Variants in BCAR3 observed in about 807,000 individuals in gnomAD.
BCAR3 encodes the protein BCAR3 adaptor protein, NSP family member.
Under a neutral mutation model 80.1 loss-of-function variants are expected in BCAR3, and 37 were observed. That is an observed-to-expected ratio of 0.46 (90% confidence interval 0.36 to 0.61). The LOEUF is 0.61. Ranked by LOEUF, BCAR3 falls within the 20% of genes least tolerant of loss-of-function variation. The pLI, the probability that BCAR3 is intolerant of heterozygous loss-of-function variation, is 0.00. For missense variants in BCAR3, 978 were observed against 1,068.2 expected (o/e 0.92, Z 1.18); for synonymous variants, 389 against 418.9 (o/e 0.93, Z 0.87).
chr1:93,812,096 GGATT>G (rs896775711), intron 2 of BCAR3, among the ~76,000 whole-genome samples: 1 of 152,090 alleles, frequency 6.6e-6, no homozygotes, highest in Non-Finnish European at 1.5e-5. Context: ...TACATTTAAT[GGATT>G]GATTTTTTTA....
chr1:93,808,487 T>A (rs1237737902), intron 2 of BCAR3, among the ~76,000 whole-genome samples: 1 of 152,188 alleles, frequency 6.6e-6, no homozygotes, highest in Non-Finnish European at 1.5e-5. Flanking sequence ...GAAAGTTACC[T>A]GAGAATACAC....
At chr1:93,659,533 G>A (rs1647552804) in intron 2 of BCAR3, among the ~76,000 whole-genome samples, 1 of 151,594 alleles carries the variant, frequency 6.6e-6, no homozygotes, top group Non-Finnish European at 1.5e-5. Context: ...GCATCTACTG[G>A]ACAATATTCC....
At chr1:93,749,779 A>T (rs562807838) in intron 2 of BCAR3, among the ~76,000 whole-genome samples, 1 of 152,026 alleles carries the variant, frequency 6.6e-6, no homozygotes, top group Admixed American at 6.6e-5. Context: ...GAACACAAGT[A>T]TTACGTAAAG....
At chr1:93,801,006 A>G (rs1209725850) in intron 2 of BCAR3, among the ~76,000 whole-genome samples, 1 of 152,246 alleles carries the variant, frequency 6.6e-6, no homozygotes, top group Non-Finnish European at 1.5e-5. Flanking sequence ...GCTTTCGTTT[A>G]TTCTCTATTT....
intron 2 of BCAR3, among the ~76,000 whole-genome samples, chr1:93,736,836 C>T (rs957373841): frequency 2.6e-5 from 4 of 152,302 alleles, no homozygotes; most frequent in South Asian, 2.1e-4. Flanking sequence ...GGTTAACTTT[C>T]GTTGAGTGCT....
At chr1:93,685,163 T>C (rs1648927516), upstream of BCAR3, among the ~76,000 whole-genome samples, 1 of 152,226 alleles carries the variant, frequency 6.6e-6, no homozygotes, top group African/African-American at 2.4e-5. Flanking sequence ...AATTTAAATA[T>C]AATTTTTTGA....
upstream of BCAR3, among the ~76,000 whole-genome samples, chr1:93,683,492 A>G (rs1571042592): frequency 6.6e-6 from 1 of 152,212 alleles, no homozygotes; most frequent in Non-Finnish European, 1.5e-5. Context: ...TCACCAAAAG[A>G]TGTTGAAAAA....
intron 2 of BCAR3, among the ~76,000 whole-genome samples, chr1:93,714,049 C>T (rs1207552872): frequency 6.6e-6 from 1 of 152,164 alleles, no homozygotes. Flanking sequence ...GTGGTGCGAT[C>T]TCAGCTCACT....
chr1:93,673,897 G>A (rs976675259), intron 2 of BCAR3, among the ~76,000 whole-genome samples: 3 of 152,200 alleles, frequency 2.0e-5, no homozygotes, highest in Admixed American at 6.5e-5. Context: ...AGAATCTGAT[G>A]CTATGATAAA....
At chr1:93,804,396 A>T (rs1265947043) in intron 2 of BCAR3, among the ~76,000 whole-genome samples, 1 of 152,228 alleles carries the variant, frequency 6.6e-6, no homozygotes, top group Non-Finnish European at 1.5e-5. Context: ...AATAACTAAC[A>T]GTAAAATAGA....
intron 3 of BCAR3, among the ~76,000 whole-genome samples, chr1:93,626,635 G>A (rs1008284999): frequency 6.6e-6 from 1 of 152,208 alleles, no homozygotes; most frequent in Non-Finnish European, 1.5e-5. Flanking sequence ...AACTCTACCA[G>A]GGGCCATTGC....
chr1:93,567,335 C>A lies in BCAR3; in HGVS notation c.2243G>T (p.Arg748Leu). 6.2e-7 allele frequency: 1 copy of A among 1,614,158 alleles called. No individual in the cohort carries two copies. Among genetic ancestry groups the A allele is most frequent in the Admixed American group, 1.7e-5 (1 of 60,022 alleles). ...GCTGTCTGCAGCCTCGGCCATGAATCGCGCTGTTGCCAAATGGTTCAGCAT... is the reference window on the plus strand; with the variant it reads ...GCTGTCTGCAGCCTCGGCCATGAATAGCGCTGTTGCCAAATGGTTCAGCAT... ...EIMLNHLATA[R>L]FMAEAADSYR... is the part of the protein sequence containing the mutation. Residue 748 changes from arginine to leucine, a missense_variant, in exon 11 of 12, where the codon CGA (arginine) becomes CTA (leucine). Physicochemically the swap from Arg to Leu is moderately radical, Grantham distance 102 (BLOSUM62 -2). Coordinates refer to ENST00000260502, the MANE Select transcript of BCAR3 (RefSeq NM_003567.4).
chr1:93,730,851 GTA>G (rs1408507779), intron 2 of BCAR3, among the ~76,000 whole-genome samples: 1 of 152,216 alleles, frequency 6.6e-6, no homozygotes, highest in Non-Finnish European at 1.5e-5. Context: ...GCTTCAGAGA[GTA>G]CAGAATGGAA....
intron 3 of BCAR3, among the ~76,000 whole-genome samples, chr1:93,607,864 G>GT (rs1674822155): frequency 6.6e-6 from 1 of 152,152 alleles, no homozygotes. Flanking sequence ...AAAGCACAGC[G>GT]TAAGCTGCTT....
chr1:93,810,022 T>G (rs527332707), intron 2 of BCAR3, among the ~76,000 whole-genome samples: 5 of 150,514 alleles, frequency 3.3e-5, no homozygotes, highest in Admixed American at 6.6e-5. Context: ...CCAAGATAGC[T>G]CTACTAAAAA....
intron 2 of BCAR3, among the ~76,000 whole-genome samples, chr1:93,762,441 T>C (rs896743860): frequency 1.3e-5 from 2 of 152,152 alleles, no homozygotes; most frequent in Non-Finnish European, 1.5e-5. Context: ...ACCATTCTGC[T>C]GAGAGCTCGT....
intron 2 of BCAR3, among the ~76,000 whole-genome samples, chr1:93,810,910 G>A (rs1341077062): frequency 6.6e-6 from 1 of 152,184 alleles, no homozygotes; most frequent in Non-Finnish European, 1.5e-5. Context: ...ACCCAGAGAG[G>A]TGAAGTCATT....
At position 93,676,322 on chromosome 1, in the gene BCAR3, G is replaced by A. The variant is rs557112774; in HGVS notation, c.-11-1381C>T. ...TGACATTAGAGTGTGTAAAGAAAACGCATGTGTTTGTATGTGTGTGTACAA... is the reference window on the plus strand; with the variant it reads ...TGACATTAGAGTGTGTAAAGAAAACACATGTGTTTGTATGTGTGTGTACAA... On this transcript the variant is annotated intron_variant, in intron 1 of 11. Coordinates refer to ENST00000260502, the MANE Select transcript of BCAR3 (RefSeq NM_003567.4). 3.3e-5 allele frequency among the ~76,000 whole-genome samples: 5 copies of A among 152,246 alleles called. No individual in the cohort carries two copies. The East Asian group carries it at 9.6e-4, about 29-fold the overall frequency.
chr1:93,809,637 G>A (rs1653761078), intron 2 of BCAR3, among the ~76,000 whole-genome samples: 1 of 151,812 alleles, frequency 6.6e-6, no homozygotes, highest in Non-Finnish European at 1.5e-5. Context: ...GCGTGGCTGT[G>A]GGTGCCTGTA....
Sources: allele counts gnomAD v4.1 joint callset (sites outside exome capture counted in the v4.1 genomes callset), GRCh38; gene constraint gnomAD v4.1.1; transcripts MANE v1.5; gene names NCBI Gene and HGNC (gene_info 2026-07-23, HGNC 2026-07-21).